Variants in PCDHA4 observed in about 807,000 individuals in gnomAD.
The protein encoded by PCDHA4 is protocadherin alpha 4, also known as protocadherin alpha-4.
In PCDHA4, 49 loss-of-function variants were observed where a neutral mutation model predicts 61.4. The observed-to-expected ratio is 0.80, with a 90% CI of 0.63 to 1.01. The LOEUF (loss-of-function observed/expected upper bound fraction) is 1.01. Among genes scored for constraint, PCDHA4 ranks in the 50% least tolerant of loss-of-function variants. The pLI is 0.00. For missense variants in PCDHA4, 1,254 were observed against 1,235.8 expected, an observed-to-expected ratio of 1.01 and a Z score of -0.22; for synonymous variants, 590 against 550.3, an observed-to-expected ratio of 1.07 and a Z score of -1.01.
intron 1 of PCDHA4, among the ~76,000 whole-genome samples, chr5:140,938,635 G>A (rs1361017966): frequency 6.6e-6 from 1 of 151,982 alleles, no homozygotes; most frequent in Non-Finnish European, 1.5e-5. Context: ...TGCTTATGAT[G>A]TATAATCCTT....
intron 1 of PCDHA4, chr5:140,882,210 CAGTTTG>C (rs1332497676): frequency 6.5e-7 from 1 of 1,533,604 alleles, no homozygotes; most frequent in African/African-American, 1.4e-5. Flanking sequence ...CCTTGAGAGA[CAGTTTG>C]AGGTAAGGCG....
chr5:140,973,242 ATTC>A (rs1295527172), intron 1 of PCDHA4, among the ~76,000 whole-genome samples: 1 of 152,170 alleles, frequency 6.6e-6, no homozygotes, highest in Non-Finnish European at 1.5e-5. Context: ...GAAAGAGTTA[ATTC>A]TTCTTTCAGT....
chr5:141,006,180 A>C (rs1554260594), intron 3 of PCDHA4, among the ~76,000 whole-genome samples: 5 of 150,546 alleles, frequency 3.3e-5, no homozygotes, highest in Non-Finnish European at 7.4e-5. Context: ...TTTTTAAAAG[A>C]GTTTGCTATA....
intron 1 of PCDHA4, among the ~76,000 whole-genome samples, chr5:140,952,668 T>C (rs960968372): frequency 6.6e-6 from 1 of 152,234 alleles, no homozygotes. Context: ...CAAAGTCACT[T>C]TCACATTTTC....
At chr5:140,933,527 A>G (rs1324786303) in intron 1 of PCDHA4, among the ~76,000 whole-genome samples, 1 of 152,060 alleles carries the variant, frequency 6.6e-6, no homozygotes, top group African/African-American at 2.4e-5. Flanking sequence ...TTTTGTTTAA[A>G]CTCAAAATAA....
chr5:140,941,527 G>A (rs1324655767), intron 1 of PCDHA4, among the ~76,000 whole-genome samples: 1 of 151,580 alleles, frequency 6.6e-6, no homozygotes, highest in African/African-American at 2.4e-5. Flanking sequence ...ATCTTGACCA[G>A]GCTGGTCTTG....
At chr5:140,835,820 G>A (rs1554135305) in intron 1 of PCDHA4, 5 of 1,612,676 alleles carry the variant, frequency 3.1e-6, no homozygotes, top group Non-Finnish European at 4.2e-6. Flanking sequence ...CTGTGTCGGC[G>A]GGGGACGCGG....
intron 1 of PCDHA4, among the ~76,000 whole-genome samples, chr5:140,924,406 C>T (rs1353288147): frequency 6.6e-6 from 1 of 152,132 alleles, no homozygotes; most frequent in Non-Finnish European, 1.5e-5. Context: ...CCTTATATCA[C>T]AGTGTGCCCT....
intron 1 of PCDHA4, chr5:140,926,719 A>C: frequency 2.0e-6 from 2 of 986,548 alleles, no homozygotes; most frequent in Non-Finnish European, 2.7e-6. Context: ...AGCCCCGGCA[A>C]TGCCGGCGTT....
rs1554124703 is a variant in PCDHA4 at position 140,808,700 on chromosome 5, T to C, written c.1513T>C (p.Ser505Pro). The C allele has an allele frequency of 6.2e-7, 1 of 1,611,988 alleles. No individual in the cohort carries two copies. The highest frequency in any genetic ancestry group is 1.7e-5 in the Admixed American group (1 of 59,996). Residue 505 changes from serine to proline, a missense_variant, in exon 1 of 4, where the codon TCG becomes CCG. Coordinates refer to ENST00000530339, the MANE Select transcript of PCDHA4 (RefSeq NM_018907.4). ...GCGGCGGGTAGGGGAGCGCGCGCTG[T>C]CGAGCTACGTTTCGGTGCATGCGGA... ...VERRVGERAL[S>P]SYVSVHAESG...
intron 1 of PCDHA4, chr5:140,967,929 G>C (rs1554230126): frequency 6.2e-7 from 1 of 1,614,214 alleles, no homozygotes; most frequent in Non-Finnish European, 8.5e-7. Flanking sequence ...GCCGTTCTCA[G>C]TGTCAATGAC....
Position 140,848,651 on chromosome 5 carries a change from G to A in PCDHA4, c.2385+39079G>A. ...TCGTGGGCCGCATCGCGCAGGACCT[G>A]GGGCTGGAGCTGGCGGAGCTGGTGC... is the stretch of plus-strand genomic sequence containing the variant. On this transcript the variant is annotated intron_variant, in intron 1 of 3. Transcript: ENST00000530339. The A allele has an allele frequency of 1.3e-6, 2 of 1,592,962 alleles. 1 individual carries two copies. The highest frequency in any genetic ancestry group is 1.7e-6 in the Non-Finnish European group (2 of 1,163,756).
At chr5:140,877,108 G>C in intron 1 of PCDHA4, 1 of 1,613,542 alleles carries the variant, frequency 6.2e-7, no homozygotes. Context: ...GCCGCCTCTG[G>C]GCAGCAACGT....
intron 1 of PCDHA4, among the ~76,000 whole-genome samples, chr5:140,921,904 T>A (rs1554200513): frequency 1.3e-5 from 2 of 151,968 alleles, no homozygotes; most frequent in African/African-American, 4.8e-5. Flanking sequence ...GATAAATATA[T>A]ATTACATGAT....
chr5:140,871,535 G>T (rs577559822), intron 1 of PCDHA4: 2 of 1,514,054 alleles, frequency 1.3e-6, no homozygotes, highest in Admixed American at 4.8e-5. Flanking sequence ...AAGTGTATGT[G>T]AAATTATTTA....
At position 140,893,180 on chromosome 5, in the gene PCDHA4, C is replaced by T. The variant is rs1388898676; in HGVS notation, c.2385+83608C>T. Among the ~76,000 whole-genome samples, 3 of 152,208 alleles carry T rather than the reference C, an allele frequency of 2.0e-5. No individual in the cohort carries two copies. In the South Asian group the frequency reaches 6.2e-4, roughly 31 times the overall value. On this transcript the variant is annotated intron_variant, in intron 1 of 3. Coordinates refer to ENST00000530339, the MANE Select transcript of PCDHA4 (RefSeq NM_018907.4). ...TATTGAGGTTGATTCCACATAGTAGCTATTGTGAATAGTGCTGCAGTAAGT... is the reference window on the plus strand; with the variant it reads ...TATTGAGGTTGATTCCACATAGTAGTTATTGTGAATAGTGCTGCAGTAAGT...
At chr5:140,927,259 C>G (rs1262444613) in intron 1 of PCDHA4, 5 of 1,614,042 alleles carry the variant, frequency 3.1e-6, no homozygotes, top group Non-Finnish European at 3.4e-6. Flanking sequence ...CAACTCACCT[C>G]TCTTTCCTGC....
chr5:141,005,701 CAAAAAAAAAAAA>C (rs59860837), intron 3 of PCDHA4, among the ~76,000 whole-genome samples: 139 of 7,794 alleles, frequency 0.018, no homozygotes, highest in African/African-American at 0.055. Context: ...AACTCCGTCT[CAAAAAAAAAAAA>C]AAAAAAAAAA....
chr5:140,832,614 A>G (rs1451559865), intron 1 of PCDHA4, among the ~76,000 whole-genome samples: 1 of 152,186 alleles, frequency 6.6e-6, no homozygotes, highest in Non-Finnish European at 1.5e-5. Flanking sequence ...TAGTGAGTAA[A>G]TGTTTTTTAA....
Sources: allele counts gnomAD v4.1 joint callset (sites outside exome capture counted in the v4.1 genomes callset), GRCh38; gene constraint gnomAD v4.1.1; transcripts MANE v1.5; gene names NCBI Gene and HGNC (gene_info 2026-07-23, HGNC 2026-07-21).